The following LAMC3 variants were observed in gnomAD, a reference collection of about 807,000 sequenced individuals.
The protein encoded by LAMC3 is laminin subunit gamma 3.
Under a neutral mutation model 173.8 loss-of-function variants are expected in LAMC3, and 128 were observed. That is an observed-to-expected ratio of 0.74 (90% CI 0.64 to 0.85). The LOEUF is 0.85. LAMC3 is among the 40% of genes least tolerant of loss of function. LAMC3 has a pLI of 0.00. For synonymous variants in LAMC3, 897 were observed against 909.1 expected, an observed-to-expected ratio of 0.99 and a Z score of 0.24; for missense variants, 2,022 against 2,156.0, an observed-to-expected ratio of 0.94 and a Z score of 1.23.
chr9:131,069,555 T>C, intron 16 of LAMC3, 117 bp from the exon 17 acceptor site: 2 of 966,656 alleles, frequency 2.1e-6, no homozygotes, highest in Non-Finnish European at 3.1e-6. Flanking sequence ...TGATGCTGCC[T>C]AGGGCATTCT....
intron 24 of LAMC3, among the ~76,000 whole-genome samples, chr9:131,082,868 GCCTC>G (rs1186051517): frequency 6.6e-6 from 1 of 152,136 alleles, no homozygotes; most frequent in Non-Finnish European, 1.5e-5. Flanking sequence ...TTGTTCTGTG[GCCTC>G]CCTCCCCAGC....
At chr9:131,020,479 A>C (rs1320531009) in intron 1 of LAMC3, among the ~76,000 whole-genome samples, 1 of 152,224 alleles carries the variant, frequency 6.6e-6, no homozygotes, top group Non-Finnish European at 1.5e-5. Flanking sequence ...AAGTCTAAAA[A>C]AACAAAAAGA....
At chr9:131,080,770 G>C (rs532203027) in intron 23 of LAMC3, among the ~76,000 whole-genome samples, 124 of 152,202 alleles carry the variant, frequency 8.1e-4, no homozygotes, top group South Asian at 1.5e-3. Context: ...TTCCCCAGGA[G>C]TCAGGGCCAG....
chr9:131,054,034 C>A (rs974086030), intron 11 of LAMC3, among the ~76,000 whole-genome samples: 2 of 151,670 alleles, frequency 1.3e-5, no homozygotes, highest in South Asian at 2.1e-4. Context: ...AAAAACAAAA[C>A]CCCTAGTGTA....
At chr9:131,046,963 C>A (rs570744194) in intron 8 of LAMC3, among the ~76,000 whole-genome samples, 138 of 152,166 alleles carry the variant, frequency 9.1e-4, no homozygotes, top group Non-Finnish European at 1.8e-3. Context: ...ACCGGCGCCG[C>A]GTGTCTGGGT....
In LAMC3 at chr9:131,069,480, C is replaced by T. The variant is rs899265266; in HGVS notation, c.2891-192C>T. Among the ~76,000 whole-genome samples the T allele has an allele frequency of 2.4e-4, 36 of 152,268 alleles. 1 individual carries two copies. Among genetic ancestry groups the T allele is most frequent in the African/African-American group, 7.9e-4 (33 of 41,552 alleles). On this transcript the variant is annotated intron_variant, in intron 16 of 27. Coordinates refer to ENST00000361069, the MANE Select transcript of LAMC3 (RefSeq NM_006059.4). ...GATCCCGAGGGAACATTGGAATAAG[C>T]CAGGCTCTGTGCCACCTTCAACCTT...
At chr9:131,013,145 C>G (rs1228325350) in intron 1 of LAMC3, among the ~76,000 whole-genome samples, 1 of 152,216 alleles carries the variant, frequency 6.6e-6, no homozygotes, top group African/African-American at 2.4e-5. Flanking sequence ...TTACAGACAG[C>G]AAAACTGAGG....
chr9:131,052,554 C>T lies in LAMC3; in HGVS notation c.1694C>T (p.Pro565Leu), dbSNP rs570498707. Residue 565 changes from proline (P) to leucine (L), a missense_variant, in exon 10 of 28, where the codon CCC becomes CTC. Coordinates refer to ENST00000361069, the MANE Select transcript of LAMC3 (RefSeq NM_006059.4). ...GQPLILTFRV[P>L]PGDSPLPVQL... ...CCCCTCATACTGACCTTCCGGGTGC[C>T]CCCCGGGGACTCCCCACTCCCTGTA... is the stretch of plus-strand genomic sequence containing the variant. The T allele has an allele frequency of 3.1e-6, 5 of 1,614,138 alleles. No individual in the cohort carries two copies. The East Asian group carries it at 8.9e-5, about 29-fold the overall frequency.
intron 7 of LAMC3, among the ~76,000 whole-genome samples, chr9:131,044,151 GT>G (rs1283763435): frequency 6.6e-6 from 1 of 151,498 alleles, no homozygotes; most frequent in African/African-American, 2.4e-5. Flanking sequence ...TAGAGATGGG[GT>G]TTCACCATGT....
At position 131,072,851 on chromosome 9, in the gene LAMC3, C is replaced by A. The variant is rs1459788275; in HGVS notation, c.3417+16C>A. 1 of 1,602,690 alleles carries A rather than the reference C, an allele frequency of 6.2e-7. No homozygotes were observed. Among genetic ancestry groups the A allele is most frequent in the African/African-American group, 1.3e-5 (1 of 74,906 alleles). On this transcript the variant is annotated intron_variant, in intron 19 of 27. Coordinates refer to ENST00000361069, the MANE Select transcript of LAMC3 (RefSeq NM_006059.4). Reference sequence around the variant, plus strand: ...CGCGTCTCTGGTATCCCAGGGGACCCCCCTACCCGAACACACCAAACCTGG... The same window carrying A: ...CGCGTCTCTGGTATCCCAGGGGACCACCCTACCCGAACACACCAAACCTGG...
Position 131,091,877 on chromosome 9 carries a change from A to C in LAMC3, c.*90A>C. The C allele has an allele frequency of 6.6e-7, 1 of 1,507,196 alleles. No homozygotes were observed. Among genetic ancestry groups the C allele is most frequent in the Non-Finnish European group, 9.0e-7 (1 of 1,110,010 alleles). The allele number at this position is 1,507,196 out of a possible 1,614,324, so 93.4% of individuals were successfully genotyped here. The stretch of plus-strand genomic sequence containing the variant: ...CTACCCCACAGGTGTGCCCATACAG[A>C]CATTCCCCGGAGCCGGCTGCTGTGA... On this transcript the variant is annotated 3_prime_UTR_variant, in exon 28 of 28. Transcript: ENST00000361069.
Position 131,036,297 on chromosome 9 carries a change from C to T in LAMC3, c.941C>T (p.Ala314Val). 1 of 1,613,164 alleles carries T rather than the reference C, an allele frequency of 6.2e-7. No individual in the cohort carries two copies. The highest frequency in any genetic ancestry group is 8.5e-7 in the Non-Finnish European group (1 of 1,179,890). The part of the protein sequence containing the change: ...CLPFFQDRPW[A>V]RGTAEAAHEC... The stretch of plus-strand genomic sequence containing the variant: ...CCCTTCTTCCAGGACCGCCCGTGGG[C>T]CCGGGGCACCGCCGAGGCTGCCCAC... The change falls in exon 4 of 28, where the codon GCC becomes GTC. Residue 314 changes from alanine (A) to valine (V), a missense_variant. By Grantham distance (64) the Ala-to-Val change is moderately conservative. Coordinates refer to ENST00000361069, the MANE Select transcript of LAMC3 (RefSeq NM_006059.4).
Position 131,049,231 on chromosome 9 carries a change from T to C in LAMC3, c.1630+101T>C, listed in dbSNP as rs547845631. On this transcript the variant is annotated intron_variant, in intron 9 of 27. Coordinates refer to ENST00000361069, the MANE Select transcript of LAMC3 (RefSeq NM_006059.4). ...GAGGCTGAAAACAATGCCAGTTTAT[T>C]CTCTTAGAGTTCTGGAGAAGTCAGA... is the stretch of plus-strand genomic sequence containing the variant. 4.0e-4 allele frequency: 304 copies of C among 758,982 alleles called. 1 individual carries two copies. Among genetic ancestry groups the C allele is most frequent in the Non-Finnish European group, 5.8e-4 (245 of 424,424 alleles). 47.0% of individuals were successfully genotyped at this position (758,982 alleles called of 1,614,324 possible). A position where few individuals can be genotyped will look rare whatever the true frequency, so the allele number is the denominator to read the frequency against.
intron 13 of LAMC3, among the ~76,000 whole-genome samples, chr9:131,063,297 T>C (rs570460367): frequency 6.6e-6 from 1 of 152,304 alleles, no homozygotes; most frequent in African/African-American, 2.4e-5. Context: ...TTACATTTTC[T>C]AGCTCCCGAC....
intron 3 of LAMC3, among the ~76,000 whole-genome samples, chr9:131,032,556 C>T (rs918778033): frequency 4.0e-5 from 5 of 123,896 alleles, no homozygotes; most frequent in Non-Finnish European, 6.1e-5. Flanking sequence ...TGCTCTCTCT[C>T]GCTCTCTCTC....
intron 13 of LAMC3, among the ~76,000 whole-genome samples, chr9:131,063,357 G>A (rs1829867945): frequency 1.3e-5 from 2 of 152,216 alleles, no homozygotes; most frequent in Admixed American, 1.3e-4. Context: ...CAGTGAGAGT[G>A]GACAGTTAGA....
rs765400167 is a variant in LAMC3 at position 131,071,584 on chromosome 9, C to T, written c.3170C>T (p.Ala1057Val). The part of the protein sequence containing the change: ...WGPLDILLGE[A>V]PRGDVYQGHH... ...CCACTAGACATTCTGCTGGGAGAGG[C>T]CCCAAGGGGGGACGTCTACCAGGGC... Residue 1057 changes from alanine (A) to valine (V), a missense_variant, in exon 18 of 28, where the codon GCC (alanine) becomes GTC (valine). Ala to Val is a moderately conservative substitution (Grantham distance 64). Transcript: ENST00000361069. The T allele has an allele frequency of 3.1e-6, 5 of 1,606,482 alleles. No individual in the cohort carries two copies. Among genetic ancestry groups the T allele is most frequent in the East Asian group, 2.2e-5 (1 of 44,746 alleles).
At chr9:131,018,851 A>G (rs1833578160) in intron 1 of LAMC3, among the ~76,000 whole-genome samples, 1 of 152,174 alleles carries the variant, frequency 6.6e-6, no homozygotes, top group Non-Finnish European at 1.5e-5. Flanking sequence ...CTGGTGTGGA[A>G]TGCACCTTCT....
At chr9:131,078,591 C>T (rs968033772) in intron 22 of LAMC3, among the ~76,000 whole-genome samples, 2 of 152,238 alleles carry the variant, frequency 1.3e-5, no homozygotes, top group African/African-American at 4.8e-5. Context: ...ATCTTTGCTC[C>T]TCCCACTGCG....
Sources: allele counts gnomAD v4.1 joint callset (sites outside exome capture counted in the v4.1 genomes callset), GRCh38; gene constraint gnomAD v4.1.1; transcripts MANE v1.5; gene names NCBI Gene and HGNC (gene_info 2026-07-23, HGNC 2026-07-21).